EP400: variants seen among roughly 807,000 people sequenced by gnomAD.
EP400 encodes E1A-binding protein p400.
A neutral mutation model predicts 354.1 loss-of-function variants in EP400; 105 were observed. That is an observed-to-expected ratio of 0.30 (90% CI 0.25 to 0.35). The LOEUF (loss-of-function observed/expected upper bound fraction) is 0.35. Ranked by LOEUF, EP400 falls within the 10% of genes least tolerant of loss-of-function variation. EP400 has a pLI of 1.00. For missense variants in EP400, 3,280 were observed against 4,121.0 expected (o/e 0.80, Z 5.59); for synonymous variants, 1,646 against 1,716.9 (o/e 0.96, Z 1.02).
chr12:132,059,468 A>G (rs1740684197), intron 45 of EP400, among the ~76,000 whole-genome samples: 1 of 152,072 alleles, frequency 6.6e-6, no homozygotes, highest in Non-Finnish European at 1.5e-5. Context: ...AGTGAAGTCT[A>G]CCTGCTTCAG....
At chr12:132,044,555 G>A (rs1306900467) in intron 35 of EP400, 116 bp from the exon 36 acceptor site, 2 of 1,307,256 alleles carry the variant, frequency 1.5e-6, no homozygotes, top group Non-Finnish European at 2.2e-6. Context: ...CTTATAAATA[G>A]TCATGTTGAT....
intron 2 of EP400, among the ~76,000 whole-genome samples, chr12:131,979,443 T>G (rs1647073570): frequency 6.6e-6 from 1 of 152,158 alleles, no homozygotes; most frequent in South Asian, 2.1e-4. Flanking sequence ...TTGCATTGAT[T>G]TGAAATTCCA....
intron 12 of EP400, 176 bp downstream of exon 12, chr12:131,995,132 G>C (rs1167027295): frequency 5.3e-6 from 3 of 568,086 alleles, no homozygotes; most frequent in Non-Finnish European, 9.3e-6. Flanking sequence ...GGCCCTCCTG[G>C]GTTGTGTGTC....
chr12:131,958,784 G>T (rs1189356250), intron 1 of EP400, among the ~76,000 whole-genome samples: 1 of 152,148 alleles, frequency 6.6e-6, no homozygotes, highest in Non-Finnish European at 1.5e-5. Flanking sequence ...GCCTCCCCAG[G>T]TGCTGGCATT....
chr12:131,976,981 C>T (rs192772898), intron 2 of EP400, among the ~76,000 whole-genome samples: 200 of 152,298 alleles, frequency 1.3e-3, no homozygotes, highest in Admixed American at 4.0e-3. Flanking sequence ...CTGGGGCTGC[C>T]CTCATGCCAA....
At chr12:132,041,174 C>T (rs924913964) in intron 32 of EP400, among the ~76,000 whole-genome samples, 2 of 152,190 alleles carry the variant, frequency 1.3e-5, no homozygotes, top group Non-Finnish European at 2.9e-5. Context: ...TCGTACCTGC[C>T]GCATGGGACT....
chr12:132,061,284 A>G (rs1022708473), intron 45 of EP400, among the ~76,000 whole-genome samples: 3 of 152,342 alleles, frequency 2.0e-5, no homozygotes, highest in African/African-American at 7.2e-5. Flanking sequence ...TGGCAGGGAC[A>G]TTGGTGAGGA....
chr12:132,072,633 G>GGGTT (rs2136621999), intron 51 of EP400, among the ~76,000 whole-genome samples: 2 of 152,300 alleles, frequency 1.3e-5, no homozygotes, highest in African/African-American at 4.8e-5. Flanking sequence ...TCTTCAGGAT[G>GGGTT]GGTTCACTTG....
At chr12:132,051,779 G>A (rs1203598062) in intron 41 of EP400, among the ~76,000 whole-genome samples, 1 of 152,078 alleles carries the variant, frequency 6.6e-6, no homozygotes, top group Non-Finnish European at 1.5e-5. Flanking sequence ...TCCACAAGAG[G>A]TGGAGGAGTA....
intron 45 of EP400, among the ~76,000 whole-genome samples, chr12:132,058,829 C>T (rs1226615768): frequency 2.7e-5 from 4 of 148,212 alleles, no homozygotes; most frequent in African/African-American, 1.0e-4. Context: ...TGCTGTTGCT[C>T]TGGCTGGAGT....
chr12:131,976,596 G>A (rs1892482233), intron 2 of EP400, among the ~76,000 whole-genome samples: 1 of 152,132 alleles, frequency 6.6e-6, no homozygotes, highest in Admixed American at 6.5e-5. Context: ...TGTAGTCCCA[G>A]CTTCTCAGGA....
chr12:132,067,311 C>G lies in EP400; in HGVS notation c.8750-51C>G, dbSNP rs1254019423. 5 of 1,592,432 alleles carry G rather than the reference C, an allele frequency of 3.1e-6. No individual in the cohort carries two copies. The South Asian group carries it at 5.6e-5, about 18-fold the overall frequency. On this transcript the variant is annotated intron_variant, in intron 49 of 52. Transcript: ENST00000389561. This position sits in a 1 kb window ranked among gnomAD's most constrained non-coding sequence, Gnocchi z 5.3. Reference sequence around the variant, plus strand: ...CAGTTGGAACAGAGCTTGGCGTGAGCCTCAAGCTCTTTTCCCAGTGTGCTG... The same window carrying G: ...CAGTTGGAACAGAGCTTGGCGTGAGGCTCAAGCTCTTTTCCCAGTGTGCTG...
chr12:131,975,604 G>A (rs1000681594), intron 2 of EP400, among the ~76,000 whole-genome samples: 1 of 151,934 alleles, frequency 6.6e-6, no homozygotes, highest in African/African-American at 2.4e-5. Context: ...CTGTCACCCA[G>A]GCTGGAGTGT....
chr12:131,978,137 A>G (rs1048130127), intron 2 of EP400, among the ~76,000 whole-genome samples: 13 of 152,206 alleles, frequency 8.5e-5, no homozygotes, highest in African/African-American at 4.8e-5. Flanking sequence ...TAACATGCCA[A>G]TAGCTTCCCA....
intron 29 of EP400, 36 bp downstream of exon 29, chr12:132,030,194 T>G (rs1593358995): frequency 6.2e-7 from 1 of 1,610,638 alleles, no homozygotes. Flanking sequence ...CTCTGATGGG[T>G]CAGTCACTGG....
In EP400 at chr12:132,038,210, C is replaced by T; in HGVS notation, c.6207+114C>T. On this transcript the variant is annotated intron_variant, in intron 32 of 52. Transcript: ENST00000389561. This position sits in a 1 kb window ranked among gnomAD's most constrained non-coding sequence, Gnocchi z 4.2. Reference sequence around the variant, plus strand: ...CCCCACTCTTCCCTGGCCTGAAGCCCTCTTCCCGTCCCTGCTTTTGGAACC... The same window carrying T: ...CCCCACTCTTCCCTGGCCTGAAGCCTTCTTCCCGTCCCTGCTTTTGGAACC... The T allele has an allele frequency of 2.9e-6, 4 of 1,358,822 alleles. No individual in the cohort carries two copies. The highest frequency in any genetic ancestry group is 4.0e-6 in the Non-Finnish European group (4 of 998,466). The allele number at this position is 1,358,822 out of a possible 1,614,324, so 84.2% of individuals were successfully genotyped here.
In EP400 at chr12:132,013,054, A is replaced by G. The variant is rs756283660; in HGVS notation, c.3487A>G (p.Thr1163Ala). Residue 1163 changes from threonine to alanine, a missense_variant, in exon 17 of 53, where the codon ACT (threonine) becomes GCT (alanine). Physicochemically the swap from Thr to Ala is moderately conservative, Grantham distance 58. Transcript: ENST00000389561. The surrounding 1 kb of genome is among the most constrained non-coding windows in gnomAD (Gnocchi z 4.5). ...CTTCCACGTCTGCATCACGTCCTACACTCAGTTCTTCCGGGGCCTCACCGC... is the reference window on the plus strand; with the variant it reads ...CTTCCACGTCTGCATCACGTCCTACGCTCAGTTCTTCCGGGGCCTCACCGC... ...NSFHVCITSY[T>A]QFFRGLTAFT... 3 of 1,613,808 alleles carry G rather than the reference A, an allele frequency of 1.9e-6. No individual in the cohort carries two copies. The highest frequency in any genetic ancestry group is 2.5e-6 in the Non-Finnish European group (3 of 1,179,984).
Position 131,977,375 on chromosome 12 carries a change from C to T in EP400, c.1336-2319C>T, listed in dbSNP as rs1295356134. ...GTCTCGATCTCCTGCCCTTGTGATC[C>T]ACCCACCTCGGCCTCCCAAAGTGCT... On this transcript the variant is annotated intron_variant, in intron 2 of 52. Transcript: ENST00000389561. Among the ~76,000 whole-genome samples the T allele has an allele frequency of 6.6e-5, 10 of 151,870 alleles. No homozygotes were observed. The East Asian group carries it at 1.9e-3, about 29-fold the overall frequency.
Position 132,075,047 on chromosome 12 carries a change from G to A in EP400, c.9022-1469G>A, listed in dbSNP as rs555975322. Among the ~76,000 whole-genome samples, 1 of 152,096 alleles carries A rather than the reference G, an allele frequency of 6.6e-6. No homozygotes were observed. Among genetic ancestry groups the A allele is most frequent in the Non-Finnish European group, 1.5e-5 (1 of 68,012 alleles). ...TCAGCTCTCAGGTGTTACCCACCTG[G>A]CCTCTGAATCTGTGTCTCCTCCTCT... is the stretch of plus-strand genomic sequence containing the variant. On this transcript the variant is annotated intron_variant, in intron 51 of 52. Coordinates refer to ENST00000389561, the MANE Select transcript of EP400 (RefSeq NM_015409.5). The surrounding 1 kb of genome is among the most constrained non-coding windows in gnomAD (Gnocchi z 4.5).
Sources: allele counts gnomAD v4.1 joint callset (sites outside exome capture counted in the v4.1 genomes callset), GRCh38; gene constraint gnomAD v4.1.1; non-coding constraint Gnocchi (gnomAD v3.1); transcripts MANE v1.5; gene names NCBI Gene and HGNC (gene_info 2026-07-23, HGNC 2026-07-21).